Variants in ADARB2 observed in about 807,000 individuals in gnomAD.
ADARB2 encodes the protein inactive double-stranded RNA-specific editase B2.
Under a neutral mutation model 62.2 loss-of-function variants are expected in ADARB2, and 25 were observed. The ratio of observed to expected loss-of-function variants is 0.40; its 90% CI spans 0.29 to 0.56. The LOEUF is 0.56. Among genes scored for constraint, ADARB2 ranks in the 20% least tolerant of loss-of-function variants. The probability of loss-of-function intolerance (pLI) is 0.43; values close to 1 mark genes in which losing one functional copy is unlikely to be tolerated. For missense variants in ADARB2, 1,071 were observed against 1,077.4 expected, an observed-to-expected ratio of 0.99 and a Z score of 0.08; for synonymous variants, 572 against 500.8, an observed-to-expected ratio of 1.14 and a Z score of -1.90.
At chr10:1,327,875 G>GTA (rs1831888542) in intron 3 of ADARB2, among the ~76,000 whole-genome samples, 1 of 150,002 alleles carries the variant, frequency 6.7e-6, no homozygotes, top group African/African-American at 2.5e-5. Flanking sequence ...CCTCCTCACA[G>GTA]CTCAGCGCCT....
intron 1 of ADARB2, among the ~76,000 whole-genome samples, chr10:1,472,911 T>C (rs908345390): frequency 2.6e-4 from 39 of 151,968 alleles, no homozygotes; most frequent in South Asian, 4.2e-4. Context: ...TCTACGGTAA[T>C]AGTTGGTCAC....
intron 7 of ADARB2, among the ~76,000 whole-genome samples, chr10:1,206,161 A>C (rs1837062494): frequency 6.6e-6 from 1 of 152,256 alleles, no homozygotes; most frequent in African/African-American, 2.4e-5. Context: ...TTCTCTGGCC[A>C]AGTCTACCCT....
intron 6 of ADARB2, among the ~76,000 whole-genome samples, chr10:1,221,184 G>A (rs1317462925): frequency 6.6e-6 from 1 of 152,166 alleles, no homozygotes; most frequent in Non-Finnish European, 1.5e-5. Context: ...GATTTAGAGT[G>A]TGCCTGAGAC....
chr10:1,594,807 G>A (rs1036614203), intron 1 of ADARB2, among the ~76,000 whole-genome samples: 28 of 152,186 alleles, frequency 1.8e-4, no homozygotes, highest in African/African-American at 6.3e-4. Context: ...GTGGAGACTC[G>A]CAGAATTGCA....
At chr10:1,546,544 C>T (rs889910842) in intron 1 of ADARB2, among the ~76,000 whole-genome samples, 7 of 152,250 alleles carry the variant, frequency 4.6e-5, no homozygotes, top group African/African-American at 2.4e-5. Flanking sequence ...AATCACAACA[C>T]TGCCACCACA....
At chr10:1,274,828 C>T (rs1296799375) in intron 3 of ADARB2, among the ~76,000 whole-genome samples, 1 of 152,220 alleles carries the variant, frequency 6.6e-6, no homozygotes, top group Non-Finnish European at 1.5e-5. Flanking sequence ...GACCTTGACC[C>T]TTGCACTGAA....
intron 1 of ADARB2, among the ~76,000 whole-genome samples, chr10:1,698,498 A>C (rs991790178): frequency 5.9e-5 from 9 of 152,218 alleles, no homozygotes; most frequent in African/African-American, 2.2e-4. Context: ...GAATAACAAT[A>C]TGTTGCTCAT....
chr10:1,385,998 A>T (rs1832522051), intron 1 of ADARB2, among the ~76,000 whole-genome samples: 2 of 152,104 alleles, frequency 1.3e-5, no homozygotes, highest in South Asian at 4.1e-4. Flanking sequence ...ATGACAGTGT[A>T]CTGTAATGTT....
At chr10:1,728,223 T>C (rs751549266) in intron 1 of ADARB2, among the ~76,000 whole-genome samples, 2 of 152,236 alleles carry the variant, frequency 1.3e-5, no homozygotes, top group Non-Finnish European at 2.9e-5. Context: ...GTGTAAAATA[T>C]GCACAAAGGG....
At chr10:1,274,660 A>G (rs776670646) in intron 3 of ADARB2, among the ~76,000 whole-genome samples, 7 of 152,298 alleles carry the variant, frequency 4.6e-5, no homozygotes, top group South Asian at 2.1e-4. Context: ...GTCCCCTTAG[A>G]GATGGGAAGA....
chr10:1,627,106 C>G (rs576141588), intron 1 of ADARB2, among the ~76,000 whole-genome samples: 2 of 152,248 alleles, frequency 1.3e-5, no homozygotes, highest in South Asian at 4.2e-4. Flanking sequence ...GTCACCCACT[C>G]GAACTGGAGC....
At chr10:1,514,568 C>G (rs961022497) in intron 1 of ADARB2, among the ~76,000 whole-genome samples, 1 of 152,062 alleles carries the variant, frequency 6.6e-6, no homozygotes, top group Non-Finnish European at 1.5e-5. Context: ...CAGATGTGTC[C>G]AGATCTGGGA....
At chr10:1,550,590 G>A (rs760018910) in intron 1 of ADARB2, among the ~76,000 whole-genome samples, 2 of 152,250 alleles carry the variant, frequency 1.3e-5, no homozygotes, top group African/African-American at 2.4e-5. Context: ...TGAACCTCAG[G>A]CCCCTTCAGG....
intron 1 of ADARB2, chr10:1,675,297 C>G (rs1834451797): frequency 1.0e-6 from 1 of 973,370 alleles, no homozygotes; most frequent in Non-Finnish European, 1.2e-6. Context: ...CATGGATGTT[C>G]TGGAGGTTTG....
intron 1 of ADARB2, among the ~76,000 whole-genome samples, chr10:1,606,729 G>A (rs960500058): frequency 6.6e-6 from 1 of 152,146 alleles, no homozygotes; most frequent in Non-Finnish European, 1.5e-5. Context: ...AGAGCTGACA[G>A]GCTCCTGCAC....
chr10:1,256,060 G>A (rs1167615681), intron 4 of ADARB2, among the ~76,000 whole-genome samples: 3 of 152,192 alleles, frequency 2.0e-5, no homozygotes, highest in Non-Finnish European at 1.5e-5. Context: ...CTCCACACTC[G>A]TCCCAGCACA....
chr10:1,329,926 T>G (rs1831912407), intron 3 of ADARB2, among the ~76,000 whole-genome samples: 1 of 123,064 alleles, frequency 8.1e-6, no homozygotes, highest in African/African-American at 3.4e-5. Context: ...GTAGAAGAAG[T>G]GCCTTTTTTT....
At chr10:1,575,907 C>A (rs1833004590) in intron 1 of ADARB2, among the ~76,000 whole-genome samples, 1 of 152,182 alleles carries the variant, frequency 6.6e-6, no homozygotes, top group Non-Finnish European at 1.5e-5. Flanking sequence ...TGAAGCCCCT[C>A]AAGTCAGAGA....
intron 8 of ADARB2, among the ~76,000 whole-genome samples, chr10:1,191,450 T>C (rs1836844512): frequency 6.6e-6 from 1 of 152,112 alleles, no homozygotes; most frequent in African/African-American, 2.4e-5. Context: ...CCTGAAACAC[T>C]GTGTAGCCTG....
Sources: allele counts gnomAD v4.1 joint callset (sites outside exome capture counted in the v4.1 genomes callset), GRCh38; gene constraint gnomAD v4.1.1; transcripts MANE v1.5; gene names NCBI Gene and HGNC (gene_info 2026-07-23, HGNC 2026-07-21).